KCND2: variants seen among roughly 807,000 people sequenced by gnomAD.
KCND2 encodes A-type voltage-gated potassium channel KCND2.
In KCND2, 16 loss-of-function variants were observed where a neutral mutation model predicts 54.4. The observed-to-expected ratio is 0.29, with a 90% confidence interval of 0.20 to 0.45. KCND2 has a LOEUF of 0.45. KCND2 is among the 20% of genes least tolerant of loss of function. KCND2 has a pLI of 1.00. For missense variants in KCND2, 486 were observed against 824.2 expected (o/e 0.59, Z 5.02); for synonymous variants, 317 against 310.7 (o/e 1.02, Z -0.21).
chr7:120,339,261 T>C (rs1800203061), intron 1 of KCND2, among the ~76,000 whole-genome samples: 2 of 151,880 alleles, frequency 1.3e-5, no homozygotes, highest in Non-Finnish European at 1.5e-5. Flanking sequence ...AATTTTCTCA[T>C]TGCAAACCAT....
intron 1 of KCND2, among the ~76,000 whole-genome samples, chr7:120,470,644 A>C (rs1273673148): frequency 6.6e-6 from 1 of 152,044 alleles, no homozygotes; most frequent in Non-Finnish European, 1.5e-5. Context: ...GGAAGGAATT[A>C]AGTGACCTTT....
intron 1 of KCND2, among the ~76,000 whole-genome samples, chr7:120,373,255 A>G (rs1427102348): frequency 6.6e-6 from 1 of 151,778 alleles, no homozygotes; most frequent in East Asian, 1.9e-4. Flanking sequence ...TTTTTCTTCC[A>G]TAAATAAGGT....
In KCND2 at chr7:120,513,321, C is replaced by T. The variant is rs79465953; in HGVS notation, c.1116-219582C>T. ...AAAGACTTTGAAGTCAACAAATACA[C>T]GTAATCAATGTTGACATTTTATCAT... On this transcript the variant is annotated intron_variant, in intron 1 of 5. Coordinates refer to ENST00000331113, the MANE Select transcript of KCND2 (RefSeq NM_012281.3). Among the ~76,000 whole-genome samples the T allele has an allele frequency of 8.6e-3, 1,315 of 152,180 alleles. 14 individuals are homozygous for T. Among genetic ancestry groups the T allele is most frequent in the African/African-American group, 0.028 (1,182 of 41,538 alleles).
chr7:120,543,580 C>G (rs1792008199), intron 1 of KCND2, among the ~76,000 whole-genome samples: 2 of 151,832 alleles, frequency 1.3e-5, no homozygotes, highest in African/African-American at 4.8e-5. Context: ...TGATTATATT[C>G]CAAAATTTTG....
At chr7:120,714,676 G>A (rs140676008) in intron 1 of KCND2, among the ~76,000 whole-genome samples, 2,126 of 151,894 alleles carry the variant, frequency 0.014, 25 homozygotes, top group Non-Finnish European at 0.022. Flanking sequence ...ATCTCTTTAC[G>A]GTAGCATTCC....
chr7:120,309,223 C>T (rs928128832), intron 1 of KCND2, among the ~76,000 whole-genome samples: 3 of 152,028 alleles, frequency 2.0e-5, no homozygotes, highest in Non-Finnish European at 4.4e-5. Context: ...TGCATCCACG[C>T]AATCGCTCTT....
chr7:120,726,329 C>CA (rs1205362283), intron 1 of KCND2, among the ~76,000 whole-genome samples: 4 of 151,572 alleles, frequency 2.6e-5, no homozygotes, highest in Admixed American at 6.6e-5. Context: ...TAACAACACT[C>CA]AAAAAAAAGG....
intron 1 of KCND2, among the ~76,000 whole-genome samples, chr7:120,392,174 C>T (rs1003491428): frequency 1.3e-5 from 2 of 152,046 alleles, no homozygotes; most frequent in Admixed American, 6.6e-5. Context: ...AATAGGAGAT[C>T]TTTTCCACAT....
chr7:120,571,292 G>A (rs1349757277), intron 1 of KCND2, among the ~76,000 whole-genome samples: 3 of 152,124 alleles, frequency 2.0e-5, no homozygotes, highest in African/African-American at 7.2e-5. Flanking sequence ...GAATTAAAGA[G>A]AGAAAAAGAT....
intron 1 of KCND2, among the ~76,000 whole-genome samples, chr7:120,656,687 G>C (rs908135821): frequency 2.0e-5 from 3 of 152,158 alleles, no homozygotes; most frequent in African/African-American, 7.2e-5. Context: ...ATTTCCACTT[G>C]TGGAGTTGTG....
chr7:120,338,030 C>T (rs1024360686), intron 1 of KCND2, among the ~76,000 whole-genome samples: 2 of 152,088 alleles, frequency 1.3e-5, no homozygotes, highest in Admixed American at 6.5e-5. Context: ...CATCTTTACA[C>T]AGGAGAGCTC....
chr7:120,597,927 C>T lies in KCND2; in HGVS notation c.1116-134976C>T, dbSNP rs540105314. 1.8e-3 allele frequency among the ~76,000 whole-genome samples: 270 copies of T among 152,172 alleles called. 3 individuals carry two copies. The highest frequency in any genetic ancestry group is 2.1e-3 in the Non-Finnish European group (142 of 67,990). ...GTATCACAGCATCAGCCTTCTGTCC[C>T]TAGGGTACTCTTCTTTAAGTCAAAA... is the stretch of plus-strand genomic sequence containing the variant. On this transcript the variant is annotated intron_variant, in intron 1 of 5. Transcript: ENST00000331113.
chr7:120,447,735 A>G (rs927296774), intron 1 of KCND2, among the ~76,000 whole-genome samples: 19 of 152,208 alleles, frequency 1.2e-4, no homozygotes, highest in African/African-American at 4.6e-4. Context: ...TTATTCTTGT[A>G]AACATAATTA....
chr7:120,314,069 CAA>C (rs555042766), intron 1 of KCND2, among the ~76,000 whole-genome samples: 2 of 85,246 alleles, frequency 2.3e-5, no homozygotes. Context: ...AGTGTAAATA[CAA>C]AAAAAAAAAA....
chr7:120,624,349 T>G (rs548738742), intron 1 of KCND2, among the ~76,000 whole-genome samples: 1 of 152,334 alleles, frequency 6.6e-6, no homozygotes, highest in African/African-American at 2.4e-5. Flanking sequence ...TTTCCTGGAT[T>G]TAGCCATCTC....
intron 1 of KCND2, among the ~76,000 whole-genome samples, chr7:120,511,564 A>T (rs983020987): frequency 2.0e-5 from 3 of 152,148 alleles, no homozygotes; most frequent in African/African-American, 7.2e-5. Flanking sequence ...TGATGTATAC[A>T]TCCCCAGAAT....
At chr7:120,425,325 A>G (rs1175382574) in intron 1 of KCND2, among the ~76,000 whole-genome samples, 2 of 152,210 alleles carry the variant, frequency 1.3e-5, no homozygotes, top group South Asian at 2.1e-4. Context: ...AAAATATAAC[A>G]TGCACATGCA....
chr7:120,741,514 GT>G lies in KCND2; in HGVS notation c.1279-17del. On this transcript the variant is annotated intron_variant, in intron 2 of 5. Transcript: ENST00000331113. ...AACGATTTATAAATGTTAATGGGAT[GT>G]TTATTTTTTCTCCTATAGAAAGCTA... 1 of 1,549,256 alleles carries G rather than the reference GT, an allele frequency of 6.5e-7. No homozygotes were observed. Among genetic ancestry groups the G allele is most frequent in the Non-Finnish European group, 8.9e-7 (1 of 1,121,336 alleles).
intron 1 of KCND2, among the ~76,000 whole-genome samples, chr7:120,407,094 C>T (rs1003836261): frequency 3.3e-5 from 5 of 151,902 alleles, no homozygotes; most frequent in African/African-American, 1.2e-4. Flanking sequence ...ACCTTCATGG[C>T]GCTATGGTTG....
Sources: gnomAD v4.1 joint callset for allele counts (sites outside exome capture counted in the v4.1 genomes callset) on GRCh38, gnomAD v4.1.1 for gene constraint, MANE v1.5 for transcripts, NCBI Gene and HGNC (gene_info 2026-07-23, HGNC 2026-07-21) for gene names.